The following KLRG1 variants were observed in gnomAD, a reference collection of about 807,000 sequenced individuals.
KLRG1 encodes the protein killer cell lectin like receptor G1, also known as killer cell lectin-like receptor subfamily G member 1.
KLRG1 carries 16 observed loss-of-function variants against 21.8 expected under a neutral mutation model. The observed-to-expected ratio is 0.73, with a 90% CI of 0.50 to 1.11. KLRG1 has a LOEUF of 1.11. Ranked by LOEUF, KLRG1 falls within the 50% of genes most tolerant of loss-of-function variation. The pLI, the probability that KLRG1 is intolerant of heterozygous loss-of-function variation, is 0.00. For missense variants in KLRG1, 173 were observed against 218.3 expected (o/e 0.79, Z 1.31); for synonymous variants, 69 against 75.9 (o/e 0.91, Z 0.47).
chr12:9,182,485 G>A, the KLRG1 span, among the ~76,000 whole-genome samples: 1 of 152,112 alleles, frequency 6.6e-6, no homozygotes, highest in Non-Finnish European at 1.5e-5. Context: ...TAAATATAGA[G>A]CTATAATTTG....
chr12:9,109,801 A>G, the KLRG1 span: 1 of 1,465,302 alleles, frequency 6.8e-7, no homozygotes, highest in African/African-American at 1.4e-5. Flanking sequence ...AATGAACTTA[A>G]ATTCCAGGAC....
chr12:9,147,030 T>C, the KLRG1 span, among the ~76,000 whole-genome samples: 1 of 152,190 alleles, frequency 6.6e-6, no homozygotes, highest in African/African-American at 2.4e-5. Flanking sequence ...CCTCCTTTCT[T>C]CCAAGGTGGG....
the KLRG1 span, among the ~76,000 whole-genome samples, chr12:9,042,071 G>T: frequency 6.6e-6 from 1 of 152,182 alleles, no homozygotes; most frequent in African/African-American, 2.4e-5. Flanking sequence ...TAGAAAAAAG[G>T]TCGCTTGTGT....
the KLRG1 span, chr12:9,065,038 G>A: frequency 6.6e-6 from 1 of 152,250 alleles, no homozygotes; most frequent in Non-Finnish European, 1.5e-5. Flanking sequence ...GCCGGGCGAG[G>A]GAGAGTCCTG....
the KLRG1 span, among the ~76,000 whole-genome samples, chr12:9,054,892 CT>C: frequency 6.6e-6 from 1 of 152,174 alleles, no homozygotes. Context: ...CTGGAACATT[CT>C]GGGTTTCCAG....
the KLRG1 span, among the ~76,000 whole-genome samples, chr12:9,189,438 T>C: frequency 6.6e-6 from 1 of 152,194 alleles, no homozygotes; most frequent in Non-Finnish European, 1.5e-5. Context: ...TGGCTAGCCA[T>C]AGGCAGAAGA....
At chr12:9,159,919 A>G in the KLRG1 span, 2 of 1,586,244 alleles carry the variant, frequency 1.3e-6, no homozygotes, top group African/African-American at 2.7e-5. Flanking sequence ...TGAAACTCAG[A>G]ATAGATTTTC....
the KLRG1 span, among the ~76,000 whole-genome samples, chr12:9,186,032 T>C: frequency 6.6e-6 from 1 of 151,980 alleles, no homozygotes; most frequent in African/African-American, 2.4e-5. Context: ...GGTCTCGATC[T>C]CCTGACTTCA....
the KLRG1 span, among the ~76,000 whole-genome samples, chr12:9,210,480 A>G: frequency 3.1e-4 from 47 of 152,298 alleles, no homozygotes; most frequent in African/African-American, 1.1e-3. Context: ...TCTCAGCCAA[A>G]TATTCTGGAG....
downstream of KLRG1, among the ~76,000 whole-genome samples, chr12:9,011,088 T>G (rs1373733187): frequency 6.6e-6 from 1 of 152,218 alleles, no homozygotes; most frequent in East Asian, 1.9e-4. Context: ...ACAATTTCAT[T>G]TACTTATTGA....
At chr12:9,076,540 G>A in the KLRG1 span, among the ~76,000 whole-genome samples, 22 of 152,178 alleles carry the variant, frequency 1.4e-4, no homozygotes, top group African/African-American at 4.3e-4. Flanking sequence ...TAACCCCATC[G>A]TAATTGAGAA....
chr12:9,029,011 T>G, the KLRG1 span: 1 of 599,328 alleles, frequency 1.7e-6, no homozygotes, highest in African/African-American at 1.9e-5. Context: ...AGGCTCTCAT[T>G]GGTTGTTTCA....
At chr12:9,176,855 G>C in the KLRG1 span, among the ~76,000 whole-genome samples, 1 of 152,202 alleles carries the variant, frequency 6.6e-6, no homozygotes, top group African/African-American at 2.4e-5. Flanking sequence ...GTACACTTTA[G>C]TTCAATGTCT....
chr12:9,138,823 A>T, the KLRG1 span, among the ~76,000 whole-genome samples: 3,476 of 152,024 alleles, frequency 0.023, 134 homozygotes, highest in African/African-American at 0.078. Flanking sequence ...GAGCAGTTAT[A>T]ATGTATCTTC....
chr12:9,202,523 A>C, the KLRG1 span: 38 of 1,613,776 alleles, frequency 2.4e-5, no homozygotes, highest in Non-Finnish European at 3.1e-5. Flanking sequence ...TTCCCTACTT[A>C]CCTGTCTGTC....
the KLRG1 span, chr12:9,182,249 C>T: frequency 1.3e-6 from 1 of 797,368 alleles, no homozygotes; most frequent in Non-Finnish European, 1.8e-6. Flanking sequence ...ATGGCTTAGT[C>T]TCTCTATGTG....
the KLRG1 span, chr12:9,165,009 A>G: frequency 8.9e-7 from 1 of 1,122,066 alleles, no homozygotes; most frequent in South Asian, 1.5e-5. Flanking sequence ...TTTGCATAGC[A>G]CTAATTATTC....
intron 1 of KLRG1, among the ~76,000 whole-genome samples, chr12:8,956,394 G>A (rs1472109121): frequency 6.6e-6 from 1 of 152,152 alleles, no homozygotes; most frequent in East Asian, 1.9e-4. Flanking sequence ...TGCAGACCTC[G>A]GGATTCCCCA....
chr12:9,198,628 G>A, the KLRG1 span, among the ~76,000 whole-genome samples: 4 of 152,162 alleles, frequency 2.6e-5, no homozygotes, highest in African/African-American at 4.8e-5. Context: ...GTGGGGTTAT[G>A]TGTGTGTGCA....
Sources: gnomAD v4.1 joint callset for allele counts (sites outside exome capture counted in the v4.1 genomes callset) on GRCh38, gnomAD v4.1.1 for gene constraint, MANE v1.5 for transcripts, NCBI Gene and HGNC (gene_info 2026-07-23, HGNC 2026-07-21) for gene names.